The following FAM227A variants were observed in gnomAD, a reference collection of about 807,000 sequenced individuals.
The protein encoded by FAM227A is family with sequence similarity 227 member A.
A neutral mutation model predicts 74.7 loss-of-function variants in FAM227A; 80 were observed. The observed-to-expected ratio is 1.07, with a 90% CI of 0.89 to 1.29. The LOEUF is 1.29. Among genes scored for constraint, FAM227A ranks in the 50% most tolerant of loss-of-function variants. The probability of loss-of-function intolerance (pLI) is 0.00; values close to 1 mark genes in which losing one functional copy is unlikely to be tolerated. For missense variants in FAM227A, 654 were observed against 683.4 expected (o/e 0.96, Z 0.48); for synonymous variants, 237 against 241.8 (o/e 0.98, Z 0.19).
rs1343920014 is a variant in FAM227A at position 38,578,279 on chromosome 22, T to C, written c.*7846A>G. 6 of 152,156 alleles carry C rather than the reference T, an allele frequency of 3.9e-5. No homozygotes were observed. The highest frequency in any genetic ancestry group is 1.4e-4 in the African/African-American group (6 of 41,442). 9.4% of individuals were successfully genotyped at this position (152,156 alleles called of 1,614,324 possible). Reference sequence around the variant, plus strand: ...ACGAAGGCTAAGAGTCGCTAGGTGATAGGAATTGTTTAGTTCCATTATAAT... The same window carrying C: ...ACGAAGGCTAAGAGTCGCTAGGTGACAGGAATTGTTTAGTTCCATTATAAT... On this transcript the variant is annotated 3_prime_UTR_variant, in exon 17 of 17. Coordinates refer to ENST00000535113, the MANE Select transcript of FAM227A (RefSeq NM_001013647.2).
chr22:38,596,901 T>C (rs2091057319), intron 15 of FAM227A, among the ~76,000 whole-genome samples: 1 of 152,138 alleles, frequency 6.6e-6, no homozygotes, highest in Non-Finnish European at 1.5e-5. Flanking sequence ...AAAAAAAGAC[T>C]GGAAGGATTT....
intron 13 of FAM227A, among the ~76,000 whole-genome samples, chr22:38,603,788 A>G (rs2091226187): frequency 6.6e-6 from 1 of 152,212 alleles, no homozygotes; most frequent in Non-Finnish European, 1.5e-5. Flanking sequence ...ACAAATGCTT[A>G]AGCCAATTTT....
intron 3 of FAM227A, among the ~76,000 whole-genome samples, chr22:38,641,023 G>A (rs769180055): frequency 2.0e-5 from 3 of 152,188 alleles, no homozygotes; most frequent in Admixed American, 6.5e-5. Flanking sequence ...GGATGGGTAT[G>A]AGTCACTGTA....
chr22:38,588,614 C>CAAAAAAA (rs1569184519), intron 16 of FAM227A, among the ~76,000 whole-genome samples: 30 of 75,078 alleles, frequency 4.0e-4, no homozygotes, highest in African/African-American at 1.6e-3. Flanking sequence ...GTGACTCTGT[C>CAAAAAAA]TAAAAAAAAA....
At chr22:38,611,707 G>A (rs1375654806) in intron 11 of FAM227A, among the ~76,000 whole-genome samples, 1 of 152,132 alleles carries the variant, frequency 6.6e-6, no homozygotes, top group Non-Finnish European at 1.5e-5. Flanking sequence ...GTACCCCAGT[G>A]CCTTTGCCCG....
At chr22:38,620,954 T>C (rs1388173125) in intron 10 of FAM227A, among the ~76,000 whole-genome samples, 1 of 152,150 alleles carries the variant, frequency 6.6e-6, no homozygotes, top group Non-Finnish European at 1.5e-5. Context: ...AAACAATCTA[T>C]CAAACTCATA....
At chr22:38,633,037 G>C (rs1315568136) in intron 6 of FAM227A, among the ~76,000 whole-genome samples, 2 of 152,178 alleles carry the variant, frequency 1.3e-5, no homozygotes, top group Non-Finnish European at 2.9e-5. Flanking sequence ...GGTGGGAAAG[G>C]CTTTTGTCCT....
chr22:38,599,296 T>C (rs2091119450), intron 14 of FAM227A, among the ~76,000 whole-genome samples: 1 of 152,050 alleles, frequency 6.6e-6, no homozygotes, highest in South Asian at 2.1e-4. Flanking sequence ...GAGCTTTCTA[T>C]TAGATCTTTA....
In FAM227A at chr22:38,620,248, C is replaced by T. The variant is rs1432246015; in HGVS notation, c.1002G>A (p.Gln334=). The change falls in exon 11 of 17, where the codon CAG becomes CAA. Residue 334 remains glutamine (Q), a synonymous_variant. Coordinates refer to ENST00000535113, the MANE Select transcript of FAM227A (RefSeq NM_001013647.2). ...AGAATTTCCTGCTCTGGGCTGGCTT[C>T]TGGGAGAAGGCTCTCTTACCAGCAA... ...SLFAGKRAFS[Q]KPAQSRKFYH... 7 of 1,551,490 alleles carry T rather than the reference C, an allele frequency of 4.5e-6. No individual in the cohort carries two copies. Among genetic ancestry groups the T allele is most frequent in the Non-Finnish European group, 6.1e-6 (7 of 1,146,824 alleles).
chr22:38,634,969 G>A (rs1010504791), intron 6 of FAM227A, among the ~76,000 whole-genome samples: 1 of 152,146 alleles, frequency 6.6e-6, no homozygotes, highest in South Asian at 2.1e-4. Context: ...GGAGGGGGTC[G>A]GGCGCAGTGG....
intron 16 of FAM227A, among the ~76,000 whole-genome samples, chr22:38,589,856 T>C (rs922748569): frequency 7.2e-5 from 11 of 152,126 alleles, no homozygotes; most frequent in Admixed American, 6.6e-4. Context: ...ATCCCAGCAC[T>C]TTGGGAGGCC....
chr22:38,610,386 C>T lies in FAM227A; in HGVS notation c.1039-2910G>A, dbSNP rs1376144461. ...TTCTGCGGTGGAGCAGAGAACAATG[C>T]GGGGGTATTCGCTTGGGTTTCAGTG... On this transcript the variant is annotated intron_variant, in intron 11 of 16. Transcript: ENST00000535113. 3.3e-5 allele frequency among the ~76,000 whole-genome samples: 5 copies of T among 152,012 alleles called. No homozygotes were observed. The South Asian group carries it at 6.2e-4, about 19-fold the overall frequency.
At chr22:38,646,184 G>A (rs997580033) in intron 2 of FAM227A, among the ~76,000 whole-genome samples, 1 of 149,696 alleles carries the variant, frequency 6.7e-6, no homozygotes, top group Non-Finnish European at 1.5e-5. Flanking sequence ...GTGAAAAAGA[G>A]CCATCCATAA....
intron 10 of FAM227A, among the ~76,000 whole-genome samples, chr22:38,621,469 G>A (rs896714750): frequency 6.6e-6 from 1 of 151,870 alleles, no homozygotes; most frequent in Non-Finnish European, 1.5e-5. Flanking sequence ...GAAATGCTTA[G>A]AGAGCTAACA....
Position 38,645,624 on chromosome 22 carries a change from T to G in FAM227A, c.164A>C (p.His55Pro). 1 of 1,551,296 alleles carries G rather than the reference T, an allele frequency of 6.4e-7. No individual in the cohort carries two copies. Reference sequence around the variant, plus strand: ...GTCAGCAATCTTTTGGTTCACCTGGTGCATGGAGCCAATAAGGCATGCTGG... The same window carrying G: ...GTCAGCAATCTTTTGGTTCACCTGGGGCATGGAGCCAATAAGGCATGCTGG... ...NPPSCLIGSM[H>P]QVNQKIADIN... Residue 55 changes from histidine to proline, a missense_variant, in exon 3 of 17, where the codon CAC becomes CCC. Coordinates refer to ENST00000535113, the MANE Select transcript of FAM227A (RefSeq NM_001013647.2).
At chr22:38,593,922 C>G (rs1355163714) in intron 15 of FAM227A, among the ~76,000 whole-genome samples, 1 of 152,052 alleles carries the variant, frequency 6.6e-6, no homozygotes, top group East Asian at 1.9e-4. Flanking sequence ...AAACTCCTGA[C>G]CTCAAATGAT....
At chr22:38,604,662 T>C (rs1160774159) in intron 13 of FAM227A, among the ~76,000 whole-genome samples, 1 of 152,206 alleles carries the variant, frequency 6.6e-6, no homozygotes, top group Non-Finnish European at 1.5e-5. Flanking sequence ...TTTTTTTATT[T>C]ATTTTTTTTG....
At chr22:38,649,207 G>A (rs2092287616) in intron 2 of FAM227A, among the ~76,000 whole-genome samples, 1 of 152,126 alleles carries the variant, frequency 6.6e-6, no homozygotes, top group Non-Finnish European at 1.5e-5. Flanking sequence ...AAAAAATACT[G>A]GAGTCAAACA....
intron 12 of FAM227A, 73 bp downstream of exon 12, chr22:38,607,316 C>T (rs538752935): frequency 1.7e-6 from 2 of 1,167,850 alleles, no homozygotes; most frequent in South Asian, 2.7e-5. Context: ...TTCATACGAA[C>T]CCAAGAAACC....
Sources: allele counts gnomAD v4.1 joint callset (sites outside exome capture counted in the v4.1 genomes callset), GRCh38; gene constraint gnomAD v4.1.1; transcripts MANE v1.5; gene names NCBI Gene and HGNC (gene_info 2026-07-23, HGNC 2026-07-21).